The following KDM2A variants were observed in gnomAD, a reference collection of about 807,000 sequenced individuals.
The protein encoded by KDM2A is lysine demethylase 2A, also known as lysine-specific demethylase 2A.
A neutral mutation model predicts 137.3 loss-of-function variants in KDM2A; 3 were observed. The ratio of observed to expected loss-of-function variants is 0.02; its 90% CI spans 0.01 to 0.06. The LOEUF (loss-of-function observed/expected upper bound fraction) is 0.06, where lower values mean the gene tolerates loss of function less well. Among genes scored for constraint, KDM2A ranks in the 10% least tolerant of loss-of-function variants. The probability of loss-of-function intolerance (pLI) is 1.00; values close to 1 mark genes in which losing one functional copy is unlikely to be tolerated. For missense variants in KDM2A, 738 were observed against 1,510.6 expected, an observed-to-expected ratio of 0.49 and a Z score of 8.48; for synonymous variants, 512 against 541.5, an observed-to-expected ratio of 0.95 and a Z score of 0.76.
At position 67,255,497 on chromosome 11, in the gene KDM2A, G is replaced by A; in HGVS notation, c.*442G>A. 2.2e-6 allele frequency: 1 copy of A among 457,890 alleles called. No individual in the cohort carries two copies. The highest frequency in any genetic ancestry group is 4.4e-6 in the Non-Finnish European group (1 of 227,782). The allele number at this position is 457,890 out of a possible 1,614,324, so 28.4% of individuals were successfully genotyped here. ...CATGGCCAGGTTCTTGTGGTGTCCAGTGCGCGTCTCTCCTCCATCACACTC... is the reference window on the plus strand; with the variant it reads ...CATGGCCAGGTTCTTGTGGTGTCCAATGCGCGTCTCTCCTCCATCACACTC... On this transcript the variant is annotated 3_prime_UTR_variant, in exon 21 of 21. Coordinates refer to ENST00000529006, the MANE Select transcript of KDM2A (RefSeq NM_012308.3).
chr11:67,159,851 C>T (rs1018101669), intron 2 of KDM2A, among the ~76,000 whole-genome samples: 2 of 151,898 alleles, frequency 1.3e-5, no homozygotes, highest in Non-Finnish European at 2.9e-5. Context: ...ATGTTCATAT[C>T]AGAAAAATAG....
At chr11:67,242,864 C>G (rs557519536) in intron 12 of KDM2A, 145 bp from the exon 13 acceptor site, 2 of 589,684 alleles carry the variant, frequency 3.4e-6, no homozygotes, top group East Asian at 2.8e-5. Flanking sequence ...CAGTGAGTCT[C>G]TATATGAAGG....
Position 67,181,328 on chromosome 11 carries a change from G to A in KDM2A, c.190G>A (p.Val64Ile), listed in dbSNP as rs776883963. Residue 64 changes from valine (V) to isoleucine (I), a missense_variant, in exon 4 of 21, where the codon GTA (valine) becomes ATA (isoleucine). This residue lies in a region of KDM2A where 74 missense variants were observed against 181.8 expected (regional missense o/e 0.41). Transcript: ENST00000529006. ...VTFMEGKDFN[V>I]EYIQRGGLRD... ...TTTTCCTATGGTGACAGATTTTAATGTAGAGTATATTCAGCGGGGTGGCTT... is the reference window on the plus strand; with the variant it reads ...TTTTCCTATGGTGACAGATTTTAATATAGAGTATATTCAGCGGGGTGGCTT... The A allele has an allele frequency of 2.5e-6, 4 of 1,604,488 alleles. No homozygotes were observed. The highest frequency in any genetic ancestry group is 4.5e-5 in the East Asian group (2 of 44,796).
At position 67,223,076 on chromosome 11, in the gene KDM2A, C is replaced by T. The variant is rs548297320; in HGVS notation, c.957+3673C>T. On this transcript the variant is annotated intron_variant, in intron 10 of 20. Coordinates refer to ENST00000529006, the MANE Select transcript of KDM2A (RefSeq NM_012308.3). ...GCGTGGTGGCACATGCCTGTAATCCCAGCTACTCAGGAGGCTGAGGCAGGA... is the reference window on the plus strand; with the variant it reads ...GCGTGGTGGCACATGCCTGTAATCCTAGCTACTCAGGAGGCTGAGGCAGGA... Among the ~76,000 whole-genome samples, 89 of 151,786 alleles carry T rather than the reference C, an allele frequency of 5.9e-4. 2 individuals are homozygous for T. In the South Asian group the frequency reaches 0.01, roughly 18 times the overall value.
chr11:67,161,119 T>C (rs1380842852), intron 2 of KDM2A, among the ~76,000 whole-genome samples: 6 of 152,208 alleles, frequency 3.9e-5, no homozygotes, highest in African/African-American at 1.4e-4. Context: ...CCCCACACTT[T>C]GGGAGGCCAA....
chr11:67,122,172 A>C (rs948095780), intron 2 of KDM2A, among the ~76,000 whole-genome samples: 3 of 152,198 alleles, frequency 2.0e-5, no homozygotes, highest in Non-Finnish European at 4.4e-5. Flanking sequence ...GTAGTATGTG[A>C]AATTTGCTGA....
At chr11:67,248,883 A>C (rs1413950558) in intron 16 of KDM2A, among the ~76,000 whole-genome samples, 1 of 152,218 alleles carries the variant, frequency 6.6e-6, no homozygotes, top group African/African-American at 2.4e-5. Flanking sequence ...CCCAGAGAGG[A>C]CCAGTGCTAT....
chr11:67,200,729 A>C lies in KDM2A; in HGVS notation c.308-6781A>C, dbSNP rs527633685. On this transcript the variant is annotated intron_variant, in intron 5 of 20. Transcript: ENST00000529006. ...ACCCTGTTACCCAGGCTGGTTTAGA[A>C]CTCCTGGGCTCAAGGGATTTGCCTG... 1.6e-4 allele frequency among the ~76,000 whole-genome samples: 23 copies of C among 144,158 alleles called. No individual in the cohort carries two copies. In the East Asian group the frequency reaches 4.5e-3, roughly 28 times the overall value. The allele number at this position is 144,158 out of a possible 152,430, so 94.6% of individuals were successfully genotyped here.
intron 2 of KDM2A, among the ~76,000 whole-genome samples, chr11:67,122,851 A>G (rs183469522): frequency 2.0e-4 from 30 of 149,816 alleles, no homozygotes; most frequent in African/African-American, 7.4e-4. Context: ...AATTTTTTGT[A>G]CTTTTAGTAG....
At chr11:67,204,939 G>A (rs1272715297) in intron 5 of KDM2A, among the ~76,000 whole-genome samples, 1 of 152,128 alleles carries the variant, frequency 6.6e-6, no homozygotes, top group Non-Finnish European at 1.5e-5. Context: ...TCTTTTAGCT[G>A]TTTTAAATAG....
intron 2 of KDM2A, among the ~76,000 whole-genome samples, chr11:67,165,355 C>T (rs954427653): frequency 1.3e-5 from 2 of 152,104 alleles, no homozygotes; most frequent in Non-Finnish European, 2.9e-5. Context: ...CTCCTGACCT[C>T]AGATGATCTG....
chr11:67,242,883 A>G, intron 12 of KDM2A, 126 bp from the exon 13 acceptor site: 2 of 659,490 alleles, frequency 3.0e-6, no homozygotes, highest in Admixed American at 2.4e-5. Context: ...GGGCAAATAC[A>G]GACAGTTGCC....
chr11:67,169,810 T>G (rs1336952515), intron 2 of KDM2A, among the ~76,000 whole-genome samples: 1 of 131,922 alleles, frequency 7.6e-6, no homozygotes, highest in African/African-American at 2.8e-5. Context: ...CAGGCTAGAG[T>G]ACAGTGGCGA....
In KDM2A at chr11:67,215,351, T is replaced by A. The variant is rs919704947; in HGVS notation, c.498T>A (p.Ile166=). 1 of 1,611,892 alleles carries A rather than the reference T, an allele frequency of 6.2e-7. No homozygotes were observed. The highest frequency in any genetic ancestry group is 1.3e-5 in the African/African-American group (1 of 74,884). ...MVQRPSTVDF[I]DWVDNMWPRH... is the part of the protein sequence containing the mutation. The stretch of plus-strand genomic sequence containing the variant: ...CCTTCTATTTAAAGGTGGATTTCAT[T>A]GACTGGGTAGACAACATGTGGCCAA... The change falls in exon 7 of 21, where the codon ATT becomes ATA. Residue 166 remains isoleucine, a synonymous_variant. Coordinates refer to ENST00000529006, the MANE Select transcript of KDM2A (RefSeq NM_012308.3).
At chr11:67,206,182 G>A (rs1459818561) in intron 5 of KDM2A, among the ~76,000 whole-genome samples, 1 of 152,200 alleles carries the variant, frequency 6.6e-6, no homozygotes, top group African/African-American at 2.4e-5. Flanking sequence ...TGTAATCCCA[G>A]CATTTTGGAA....
chr11:67,158,741 A>G (rs1371611795), intron 2 of KDM2A, among the ~76,000 whole-genome samples: 1 of 152,104 alleles, frequency 6.6e-6, no homozygotes, highest in African/African-American at 2.4e-5. Flanking sequence ...CTTCTACCTT[A>G]CATGCCCAAA....
chr11:67,202,258 C>A (rs918351755), intron 5 of KDM2A, among the ~76,000 whole-genome samples: 1 of 152,000 alleles, frequency 6.6e-6, no homozygotes, highest in Non-Finnish European at 1.5e-5. Flanking sequence ...GGAATCTACT[C>A]CTGGTGGAGA....
chr11:67,120,668 G>A (rs1855578480), intron 1 of KDM2A, among the ~76,000 whole-genome samples: 1 of 152,108 alleles, frequency 6.6e-6, no homozygotes, highest in South Asian at 2.1e-4. Flanking sequence ...GGGTAGATTT[G>A]GGAATGATAA....
At chr11:67,228,622 C>T (rs1168476382) in intron 11 of KDM2A, among the ~76,000 whole-genome samples, 3 of 148,280 alleles carry the variant, frequency 2.0e-5, no homozygotes, top group Non-Finnish European at 4.4e-5. Flanking sequence ...GAGGTTGAGG[C>T]TGCAGTGAGC....
Sources: gnomAD v4.1 joint callset for allele counts (sites outside exome capture counted in the v4.1 genomes callset) on GRCh38, gnomAD v4.1.1 for gene constraint, gnomAD v4.1.1 regional missense constraint, MANE v1.5 for transcripts, NCBI Gene and HGNC (gene_info 2026-07-23, HGNC 2026-07-21) for gene names.